The following PUS1 variants were observed in gnomAD, a reference collection of about 807,000 sequenced individuals.
PUS1 encodes pseudouridylate synthase 1 homolog.
In PUS1, 25 loss-of-function variants were observed where a neutral mutation model predicts 38.5. That is an observed-to-expected ratio of 0.65 (90% CI 0.47 to 0.91). PUS1 has a LOEUF of 0.91. PUS1 is among the 40% of genes least tolerant of loss of function. The pLI is 0.00. For missense variants in PUS1, 597 were observed against 612.3 expected (o/e 0.97, Z 0.26); for synonymous variants, 282 against 260.4 (o/e 1.08, Z -0.80).
In PUS1 at chr12:131,941,973, C is replaced by T. The variant is rs761064906; in HGVS notation, c.1226C>T (p.Thr409Met). The T allele has an allele frequency of 6.8e-5, 109 of 1,612,206 alleles. No homozygotes were observed. Among genetic ancestry groups the T allele is most frequent in the Admixed American group, 2.3e-4 (14 of 59,912 alleles). ...GCCACCGCTCTCACGGCAGGTGGCA[C>T]GGGCGCCAAGGTAGGGGCACAGTCC... ...FSATALTAGG[T>M]GAKVPSPLEG... is the part of the protein sequence containing the mutation. The change falls in exon 5 of 6, where the codon ACG becomes ATG. Residue 409 changes from threonine to methionine, a missense_variant. Transcript: ENST00000376649. This position sits in a 1 kb window ranked among gnomAD's most constrained non-coding sequence, Gnocchi z 4.4.
At chr12:131,932,917 T>C in intron 3 of PUS1, 1 of 397,456 alleles carries the variant, frequency 2.5e-6, no homozygotes, top group Non-Finnish European at 5.0e-6. Context: ...TTGAATTGAC[T>C]CAGTTCCACA....
chr12:131,940,402 G>A (rs1252073796), intron 4 of PUS1, among the ~76,000 whole-genome samples: 1 of 152,100 alleles, frequency 6.6e-6, no homozygotes, highest in Non-Finnish European at 1.5e-5. Flanking sequence ...TCATTGCTGC[G>A]GGGTGTTCTG....
intron 3 of PUS1, among the ~76,000 whole-genome samples, chr12:131,938,105 T>C (rs1157564976): frequency 1.3e-5 from 2 of 152,170 alleles, no homozygotes; most frequent in Non-Finnish European, 2.9e-5. Context: ...CTAGGATCAT[T>C]AGTGGCATTC....
Position 131,929,548 on chromosome 12 carries a change from T to G in PUS1, c.-175T>G. The stretch of plus-strand genomic sequence containing the variant: ...GGCTGGGGCGTCCAGGTCCGAGAGG[T>G]CAGGGGTCAGCTGGAGAGGGGCTGG... On this transcript the variant is annotated 5_prime_UTR_variant, in exon 1 of 6. Transcript: ENST00000376649. 2 of 534,152 alleles carry G rather than the reference T, an allele frequency of 3.7e-6. No homozygotes were observed. Among genetic ancestry groups the G allele is most frequent in the South Asian group, 2.6e-5 (1 of 38,222 alleles). 33.1% of individuals were successfully genotyped at this position (534,152 alleles called of 1,614,324 possible). A position where few individuals can be genotyped will look rare whatever the true frequency, so the allele number is the denominator to read the frequency against.
chr12:131,932,743 C>G, intron 3 of PUS1: 1 of 403,608 alleles, frequency 2.5e-6, no homozygotes, highest in Non-Finnish European at 4.9e-6. Flanking sequence ...CATTCTGTTG[C>G]CCAGGCTGGA....
chr12:131,929,929 G>C lies in PUS1; in HGVS notation c.97G>C (p.Ala33Pro). 6.9e-7 allele frequency: 1 copy of C among 1,459,042 alleles called. No homozygotes were observed. The allele number at this position is 1,459,042 out of a possible 1,614,324, so 90.4% of individuals were successfully genotyped here. A position where few individuals can be genotyped will look rare whatever the true frequency, so the allele number is the denominator to read the frequency against. The change falls in exon 2 of 6, where the codon GCG becomes CCG. Residue 33 changes from alanine (A) to proline (P), a missense_variant. Coordinates refer to ENST00000376649, the MANE Select transcript of PUS1 (RefSeq NM_025215.6). ...CAGCTCGCCGCGCATGGCCGGGAAC[G>C]CGGAGCCGCCGCCCGCCGGAGCCGC... ...PSCSPRMAGN[A>P]EPPPAGAACP...
At position 131,929,756 on chromosome 12, in the gene PUS1, T is replaced by C; in HGVS notation, c.34T>C (p.Phe12Leu). ...GLQLRALLGA[F>L]GRWTLRLGPR... ...CCAGCTTCGCGCGCTGTTGGGAGCC[T>C]TCGGACGGTGGACCCTGCGCCTGGG... Residue 12 changes from phenylalanine (F) to leucine (L), a missense_variant, in exon 1 of 6, where the codon TTC (phenylalanine) becomes CTC (leucine). Phe to Leu is a conservative substitution (Grantham distance 22). Coordinates refer to ENST00000376649, the MANE Select transcript of PUS1 (RefSeq NM_025215.6). The C allele has an allele frequency of 6.3e-7, 1 of 1,592,574 alleles. No homozygotes were observed. The highest frequency in any genetic ancestry group is 1.1e-5 in the South Asian group (1 of 89,822).
chr12:131,930,177 T>G, intron 2 of PUS1, 42 bp downstream of exon 2: 1 of 1,344,034 alleles, frequency 7.4e-7, no homozygotes, highest in Non-Finnish European at 9.6e-7. Flanking sequence ...GGGGTTTAGG[T>G]GCAGGTGCGG....
At chr12:131,943,320 C>A (rs1891169758) in intron 5 of PUS1, among the ~76,000 whole-genome samples, 1 of 152,210 alleles carries the variant, frequency 6.6e-6, no homozygotes, top group Admixed American at 6.5e-5. Context: ...TGAAGGAGCC[C>A]AACAAAGGCC....
At chr12:131,931,956 C>A in intron 2 of PUS1, 2 of 638,492 alleles carry the variant, frequency 3.1e-6, no homozygotes, top group South Asian at 3.5e-5. Context: ...TGTTTTGATT[C>A]CATTCCACAC....
chr12:131,929,584 T>C lies in PUS1; in HGVS notation c.-139T>C. On this transcript the variant is annotated 5_prime_UTR_variant, in exon 1 of 6. Coordinates refer to ENST00000376649, the MANE Select transcript of PUS1 (RefSeq NM_025215.6). ...CTGGAGAGGGGCTGGGGCGCCGGTTTCCCGGAGGTCAGGGGTCAGAAGGAA... is the reference window on the plus strand; with the variant it reads ...CTGGAGAGGGGCTGGGGCGCCGGTTCCCCGGAGGTCAGGGGTCAGAAGGAA... 1.4e-6 allele frequency: 1 copy of C among 703,358 alleles called. No homozygotes were observed. The highest frequency in any genetic ancestry group is 2.2e-6 in the Non-Finnish European group (1 of 461,028). The allele number at this position is 703,358 out of a possible 1,614,324, so 43.6% of individuals were successfully genotyped here.
intron 5 of PUS1, 47 bp from the exon 6 acceptor site, chr12:131,943,492 T>C: frequency 6.5e-7 from 1 of 1,544,318 alleles, no homozygotes; most frequent in Non-Finnish European, 9.0e-7. Flanking sequence ...CCAGGAGCAG[T>C]GGAGAGAGTG....
intron 3 of PUS1, among the ~76,000 whole-genome samples, chr12:131,935,933 G>A (rs1593291865): frequency 1.3e-5 from 2 of 152,134 alleles, no homozygotes; most frequent in African/African-American, 4.8e-5. Context: ...ACTTTTGGAC[G>A]GGCGTGGTGG....
At position 131,944,617 on chromosome 12, in the gene PUS1, C is replaced by G. The variant is rs1004772556; in HGVS notation, c.*1031C>G. 6.5e-6 allele frequency: 1 copy of G among 152,692 alleles called. No homozygotes were observed. Among genetic ancestry groups the G allele is most frequent in the Admixed American group, 6.5e-5 (1 of 15,292 alleles). The allele number at this position is 152,692 out of a possible 1,614,324, so 9.5% of individuals were successfully genotyped here. On this transcript the variant is annotated 3_prime_UTR_variant, in exon 6 of 6. Coordinates refer to ENST00000376649, the MANE Select transcript of PUS1 (RefSeq NM_025215.6). ...AGGGGCCCCGCTGACCTGCCGCATCCCCGAGAGGGGTGGCAGCCACGGGCT... is the reference window on the plus strand; with the variant it reads ...AGGGGCCCCGCTGACCTGCCGCATCGCCGAGAGGGGTGGCAGCCACGGGCT...
In PUS1 at chr12:131,941,573, G is replaced by T. The variant is rs1207742139; in HGVS notation, c.826G>T (p.Gly276Cys). 1 of 1,614,106 alleles carries T rather than the reference G, an allele frequency of 6.2e-7. No individual in the cohort carries two copies. Among genetic ancestry groups the T allele is most frequent in the African/African-American group, 1.3e-5 (1 of 74,934 alleles). The part of the protein sequence containing the change: ...MYCEEPFVRE[G>C]LEFAVIRVKG... ...CTGCGAGGAACCCTTTGTGCGGGAG[G>T]GCCTGGAGTTTGCGGTGATCAGGGT... The change falls in exon 5 of 6, where the codon GGC becomes TGC. Residue 276 changes from glycine (G) to cysteine (C), a missense_variant. Transcript: ENST00000376649. This position sits in a 1 kb window ranked among gnomAD's most constrained non-coding sequence, Gnocchi z 4.4.
chr12:131,940,695 C>T (rs1891024915), intron 4 of PUS1, among the ~76,000 whole-genome samples: 2 of 152,184 alleles, frequency 1.3e-5, no homozygotes. Flanking sequence ...GATTCTCCCA[C>T]CTCAGCCTTC....
chr12:131,942,650 C>A (rs1024709801), intron 5 of PUS1, among the ~76,000 whole-genome samples: 1 of 152,200 alleles, frequency 6.6e-6, no homozygotes, highest in East Asian at 1.9e-4. Context: ...TTGTGATCCA[C>A]CCGCCTTGGC....
rs566774719 is a variant in PUS1, at chr12:131,936,882, T to G, written c.442-2291T>G. On this transcript the variant is annotated intron_variant, in intron 3 of 5. Coordinates refer to ENST00000376649, the MANE Select transcript of PUS1 (RefSeq NM_025215.6). ...CCAGCCTGGCAAAAAAAAAAAAAAGTATACAGTTTAGTGATTCCAGTATAT... is the reference window on the plus strand; with the variant it reads ...CCAGCCTGGCAAAAAAAAAAAAAAGGATACAGTTTAGTGATTCCAGTATAT... 4.0e-3 allele frequency among the ~76,000 whole-genome samples: 599 copies of G among 149,086 alleles called. 1 individual carries two copies. The highest frequency in any genetic ancestry group is 5.8e-3 in the Non-Finnish European group (394 of 67,500).
chr12:131,943,879 T>G lies in PUS1; in HGVS notation c.*293T>G. On this transcript the variant is annotated 3_prime_UTR_variant, in exon 6 of 6. Coordinates refer to ENST00000376649, the MANE Select transcript of PUS1 (RefSeq NM_025215.6). ...AGTCAATCCTTGGTTTGCCTTTTTC[T>G]TAGTCTTTTTTAACATTTTTTTCGT... The G allele has an allele frequency of 2.5e-6, 1 of 403,962 alleles. No individual in the cohort carries two copies. The highest frequency in any genetic ancestry group is 2.2e-5 in the South Asian group (1 of 45,850). The allele number at this position is 403,962 out of a possible 1,614,324, so 25.0% of individuals were successfully genotyped here.
Sources: allele counts gnomAD v4.1 joint callset (sites outside exome capture counted in the v4.1 genomes callset), GRCh38; gene constraint gnomAD v4.1.1; non-coding constraint Gnocchi (gnomAD v3.1); transcripts MANE v1.5; gene names NCBI Gene and HGNC (gene_info 2026-07-23, HGNC 2026-07-21).